HID1: variants seen among roughly 807,000 people sequenced by gnomAD.
HID1 encodes protein HID1.
In HID1, 42 loss-of-function variants were observed where a neutral mutation model predicts 89.7. The observed-to-expected ratio is 0.47, with a 90% CI of 0.37 to 0.61. HID1 has a LOEUF of 0.61. HID1 is among the 20% of genes least tolerant of loss of function. The pLI, the probability that HID1 is intolerant of heterozygous loss-of-function variation, is 0.00. For missense variants in HID1, 854 were observed against 1,039.3 expected, an observed-to-expected ratio of 0.82 and a Z score of 2.45; for synonymous variants, 442 against 433.8, an observed-to-expected ratio of 1.02 and a Z score of -0.24.
intron 15 of HID1, among the ~76,000 whole-genome samples, 187 bp from the exon 16 acceptor site, chr17:74,953,273 G>A (rs1381240364): frequency 1.3e-5 from 2 of 152,124 alleles, no homozygotes; most frequent in Non-Finnish European, 2.9e-5. Flanking sequence ...CAGCTGACAG[G>A]GCAGGCCGGG....
rs760365721 is a variant in HID1, at chr17:74,958,796, G to A, written c.1150-33C>T. 1.5e-5 allele frequency: 24 copies of A among 1,607,724 alleles called. No individual in the cohort carries two copies. In the East Asian group the frequency reaches 5.1e-4, roughly 34 times the overall value. On this transcript the variant is annotated intron_variant, in intron 9 of 18. Transcript: ENST00000425042. This position sits in a 1 kb window ranked among gnomAD's most constrained non-coding sequence, Gnocchi z 5.2. ...TGCGGGGAGGGGCCAAGTGGGCTGA[G>A]TTCAAGGGAGGGGCAGCTCTGCCCC...
chr17:74,951,964 C>A lies in HID1; in HGVS notation c.2244G>T (p.Gln748His). The change falls in exon 18 of 19, where the codon CAG (glutamine) becomes CAT (histidine). Residue 748 changes from glutamine (Q) to histidine (H), a missense_variant. By Grantham distance (24) the Gln-to-His change is conservative (BLOSUM62 0). Transcript: ENST00000425042. The stretch of plus-strand genomic sequence containing the variant: ...ACCACATGGCAGTGCCCGAGTTGGC[C>A]TGGTACTTGCGGATGAGGATGGGGT... ...VPHPILIRKY[Q>H]ANSGTAMWFR... The A allele has an allele frequency of 6.4e-7, 1 of 1,563,062 alleles. No individual in the cohort carries two copies. The highest frequency in any genetic ancestry group is 8.7e-7 in the Non-Finnish European group (1 of 1,154,208).
At chr17:74,955,197 G>A (rs1411180428) in intron 13 of HID1, among the ~76,000 whole-genome samples, 2 of 152,192 alleles carry the variant, frequency 1.3e-5, no homozygotes, top group African/African-American at 2.4e-5. Context: ...GTGACACTGG[G>A]CAGACGGGCT....
chr17:74,952,067 C>G lies in HID1; in HGVS notation c.2145-4G>C. On this transcript the variant is annotated splice_polypyrimidine_tract_variant and splice_region_variant and intron_variant, in intron 17 of 18. Transcript: ENST00000425042. ...CTCAGACTCATCCGTCAGGCCCCTG[C>G]GGGGAGAGGGGTATCTCCAGCACAC... The G allele has an allele frequency of 6.4e-7, 1 of 1,555,378 alleles. No homozygotes were observed. Among genetic ancestry groups the G allele is most frequent in the East Asian group, 2.4e-5 (1 of 41,978 alleles).
chr17:74,962,884 C>G lies in HID1; in HGVS notation c.504+81G>C. ...CCCCCGGCCCCCAGTGCAATCCGCC[C>G]AAGGGAACTTCAACTGGCCCGGCCC... On this transcript the variant is annotated intron_variant, in intron 4 of 18. Coordinates refer to ENST00000425042, the MANE Select transcript of HID1 (RefSeq NM_030630.3). This position sits in a 1 kb window ranked among gnomAD's most constrained non-coding sequence, Gnocchi z 4.3. The G allele has an allele frequency of 2.9e-6, 3 of 1,019,752 alleles. No individual in the cohort carries two copies. In the South Asian group the frequency reaches 4.3e-5, roughly 15 times the overall value. The allele number at this position is 1,019,752 out of a possible 1,614,324, so 63.2% of individuals were successfully genotyped here. A position where few individuals can be genotyped will look rare whatever the true frequency, so the allele number is the denominator to read the frequency against.
At chr17:74,952,227 G>T (rs778495093) in intron 17 of HID1, 42 bp downstream of exon 17, 1 of 1,153,276 alleles carries the variant, frequency 8.7e-7, no homozygotes, top group South Asian at 1.2e-5. Flanking sequence ...CCACAACCCC[G>T]GCCCCGCCCA....
At position 74,958,536 on chromosome 17, in the gene HID1, G is replaced by A. The variant is rs2039429913; in HGVS notation, c.1241-58C>T. On this transcript the variant is annotated intron_variant, in intron 10 of 18. Transcript: ENST00000425042. This position sits in a 1 kb window ranked among gnomAD's most constrained non-coding sequence, Gnocchi z 5.2. ...GTGGGAGGGGGAAGGAGGGGCCCAG[G>A]CAGTGACCATTTTGGAGGCCTCCCT... 1.3e-6 allele frequency: 2 copies of A among 1,575,802 alleles called. No homozygotes were observed. Among genetic ancestry groups the A allele is most frequent in the African/African-American group, 2.7e-5 (2 of 74,002 alleles).
chr17:74,955,498 C>T (rs1014625805), intron 13 of HID1, among the ~76,000 whole-genome samples: 2 of 55,564 alleles, frequency 3.6e-5, no homozygotes, highest in East Asian at 2.6e-4. Flanking sequence ...GAGACGCCGT[C>T]GGGAAAAAAA....
intron 1 of HID1, among the ~76,000 whole-genome samples, chr17:74,971,699 TG>T (rs1179046565): frequency 6.6e-6 from 1 of 152,098 alleles, no homozygotes; most frequent in Non-Finnish European, 1.5e-5. Context: ...GTGGCCACGG[TG>T]GCCTGATTCA....
intron 6 of HID1, chr17:74,961,639 C>T (rs1598626886): frequency 9.5e-6 from 3 of 315,472 alleles, no homozygotes; most frequent in Non-Finnish European, 1.2e-5. Context: ...ACTGGACAGG[C>T]GGCTCTTGAT....
Position 74,959,144 on chromosome 17 carries a change from C to A in HID1, c.1009-93G>T, listed in dbSNP as rs966898971. The A allele has an allele frequency of 1.4e-4, 194 of 1,377,484 alleles. No individual in the cohort carries two copies. The highest frequency in any genetic ancestry group is 1.5e-4 in the Non-Finnish European group (156 of 1,043,710). The allele number at this position is 1,377,484 out of a possible 1,614,324, so 85.3% of individuals were successfully genotyped here. Reference sequence around the variant, plus strand: ...GCCCCCAACAAATCCCCCCCTCCATCCCCCAGAGCCAGATCCCACCTCCAG... The same window carrying A: ...GCCCCCAACAAATCCCCCCCTCCATACCCCAGAGCCAGATCCCACCTCCAG... On this transcript the variant is annotated intron_variant, in intron 8 of 18. Transcript: ENST00000425042. The surrounding 1 kb of genome is among the most constrained non-coding windows in gnomAD (Gnocchi z 4.6).
rs373618693 is a variant in HID1 at position 74,958,698 on chromosome 17, G to A, written c.1215C>T (p.Phe405=). 3.7e-6 allele frequency: 6 copies of A among 1,612,406 alleles called. No homozygotes were observed. In the African/African-American group the frequency reaches 6.7e-5, roughly 18 times the overall value. The change falls in exon 10 of 19, where the codon TTC becomes TTT. Residue 405 remains phenylalanine (F), a synonymous_variant. Transcript: ENST00000425042. The surrounding 1 kb of genome is among the most constrained non-coding windows in gnomAD (Gnocchi z 5.2). ...VLDILVPILF[F]LNDARADQSR... The stretch of plus-strand genomic sequence containing the variant: ...ACTGATCGGCCCGGGCATCGTTGAG[G>A]AAGAAGAGGATGGGGACAAGGATGT...
Position 74,952,012 on chromosome 17 carries a change from C to G in HID1, c.2196G>C (p.Leu732=), listed in dbSNP as rs777129622. The change falls in exon 18 of 19, where the codon CTG becomes CTC. Residue 732 remains leucine (L), a synonymous_variant. Coordinates refer to ENST00000425042, the MANE Select transcript of HID1 (RefSeq NM_030630.3). ...GGTGGGGCACGGGCAGCAGCCCCAC[C>G]AGGGTGCCATGCTGCAGGAACCGCA... ...EILRFLQHGT[L]VGLLPVPHPI... The G allele has an allele frequency of 6.4e-7, 1 of 1,560,290 alleles. No individual in the cohort carries two copies. The highest frequency in any genetic ancestry group is 1.2e-5 in the South Asian group (1 of 84,630).
intron 1 of HID1, 23 bp from the exon 2 acceptor site, chr17:74,964,655 G>C: frequency 6.2e-7 from 1 of 1,605,060 alleles, no homozygotes; most frequent in Non-Finnish European, 8.5e-7. Flanking sequence ...CAAGGGTCCA[G>C]AGTTACACAA....
chr17:74,951,932 G>A lies in HID1; in HGVS notation c.2276C>T (p.Thr759Ile), dbSNP rs1271347801. ...CAGATAGATGACGCCCCACATGTAGGTGCGGAACCACATGGCAGTGCCCGA... is the reference window on the plus strand; with the variant it reads ...CAGATAGATGACGCCCCACATGTAGATGCGGAACCACATGGCAGTGCCCGA... ...ANSGTAMWFR[T>I]YMWGVIYLRN... Residue 759 changes from threonine (T) to isoleucine (I), a missense_variant, in exon 18 of 19, where the codon ACC (threonine) becomes ATC (isoleucine). Transcript: ENST00000425042. The A allele has an allele frequency of 1.0e-5, 16 of 1,549,960 alleles. No homozygotes were observed. Among genetic ancestry groups the A allele is most frequent in the African/African-American group, 1.3e-5 (1 of 74,146 alleles).
chr17:74,958,663 C>G lies in HID1; in HGVS notation c.1240+10G>C. 6.3e-7 allele frequency: 1 copy of G among 1,595,638 alleles called. No individual in the cohort carries two copies. The highest frequency in any genetic ancestry group is 8.6e-7 in the Non-Finnish European group (1 of 1,164,218). On this transcript the variant is annotated intron_variant, in intron 10 of 18. Transcript: ENST00000425042. The surrounding 1 kb of genome is among the most constrained non-coding windows in gnomAD (Gnocchi z 5.2). Reference sequence around the variant, plus strand: ...AAGCCCCCAGCATCCCACCCCCACCCTGGTCTTACACTGATCGGCCCGGGC... The same window carrying G: ...AAGCCCCCAGCATCCCACCCCCACCGTGGTCTTACACTGATCGGCCCGGGC...
rs775345423 is a variant in HID1 at position 74,958,199 on chromosome 17, G to C, written c.1413C>G (p.Thr471=). The C allele has an allele frequency of 6.2e-7, 1 of 1,611,494 alleles. No homozygotes were observed. Among genetic ancestry groups the C allele is most frequent in the Non-Finnish European group, 8.5e-7 (1 of 1,179,064 alleles). Residue 471 remains threonine, a synonymous_variant, in exon 12 of 19, where the codon ACC becomes ACG. Coordinates refer to ENST00000425042, the MANE Select transcript of HID1 (RefSeq NM_030630.3). The surrounding 1 kb of genome is among the most constrained non-coding windows in gnomAD (Gnocchi z 5.2). The part of the protein sequence containing the change: ...LLIVVFHKII[T]SGHQRLQPLF... ...GGGGCTGCAACCGCTGGTGCCCGCT[G>C]GTGATGATCTTGTGGAACACCTGTG... is the stretch of plus-strand genomic sequence containing the variant.
chr17:74,963,938 A>G (rs763278813), intron 2 of HID1, 28 bp from the exon 3 acceptor site: 2 of 1,612,090 alleles, frequency 1.2e-6, no homozygotes, highest in African/African-American at 2.7e-5. Context: ...AGCAGAGGGC[A>G]GGCTGGAAGG....
Position 74,954,340 on chromosome 17 carries a change from G to T in HID1, c.1662C>A (p.Ile554=). Residue 554 remains isoleucine (I), a synonymous_variant, in exon 14 of 19, where the codon ATC becomes ATA. Coordinates refer to ENST00000425042, the MANE Select transcript of HID1 (RefSeq NM_030630.3). ...FDGNSNLVYA[I]IRKRSIFHQL... ...GGTGGAAGATGCTGCGCTTGCGGAT[G>T]ATGGCGTAGACCAGGTTGGAGTTGC... 6.4e-7 allele frequency: 1 copy of T among 1,574,546 alleles called. No homozygotes were observed. The highest frequency in any genetic ancestry group is 1.2e-5 in the South Asian group (1 of 85,688).
Sources: gnomAD v4.1 joint callset for allele counts (sites outside exome capture counted in the v4.1 genomes callset) on GRCh38, gnomAD v4.1.1 for gene constraint, Gnocchi (gnomAD v3.1) non-coding constraint, MANE v1.5 for transcripts, NCBI Gene and HGNC (gene_info 2026-07-23, HGNC 2026-07-21) for gene names.